NDUFS4: variants seen among roughly 807,000 people sequenced by gnomAD.
NDUFS4 encodes the protein NADH:ubiquinone oxidoreductase subunit S4, also known as NADH dehydrogenase [ubiquinone] iron-sulfur protein 4, mitochondrial.
A neutral mutation model predicts 24.3 loss-of-function variants in NDUFS4; 28 were observed. The ratio of observed to expected loss-of-function variants is 1.15; its 90% CI spans 0.85 to 1.58. NDUFS4 has a LOEUF of 1.58. NDUFS4 is among the 40% of genes most tolerant of loss of function. The probability of loss-of-function intolerance (pLI) is 0.00; values close to 1 mark genes in which losing one functional copy is unlikely to be tolerated. For synonymous variants in NDUFS4, 93 were observed against 69.7 expected, an observed-to-expected ratio of 1.34 and a Z score of -1.67; for missense variants, 223 against 207.9, an observed-to-expected ratio of 1.07 and a Z score of -0.45.
intron 4 of NDUFS4, 172 bp downstream of exon 4, chr5:53,658,796 A>AAG: frequency 1.7e-6 from 1 of 590,970 alleles, no homozygotes; most frequent in Non-Finnish European, 3.0e-6. Context: ...AAAAAAAAAA[A>AAG]AAAAAAAACC....
At chr5:53,596,289 C>T (rs1348923194) in intron 1 of NDUFS4, among the ~76,000 whole-genome samples, 2 of 151,856 alleles carry the variant, frequency 1.3e-5, no homozygotes, top group African/African-American at 2.4e-5. Context: ...AAAAATTAGC[C>T]GAGTGGGATG....
At chr5:53,615,815 G>A (rs948250803) in intron 2 of NDUFS4, among the ~76,000 whole-genome samples, 3 of 152,004 alleles carry the variant, frequency 2.0e-5, no homozygotes, top group Admixed American at 1.3e-4. Context: ...ACAACATATA[G>A]GATACAGAAA....
chr5:53,594,401 A>G (rs919937472), intron 1 of NDUFS4, among the ~76,000 whole-genome samples: 3 of 151,772 alleles, frequency 2.0e-5, no homozygotes, highest in Admixed American at 6.6e-5. Flanking sequence ...CCATCCCTTT[A>G]CTTTTAGTCT....
chr5:53,631,663 T>G (rs1446557097), intron 2 of NDUFS4, among the ~76,000 whole-genome samples: 2 of 152,188 alleles, frequency 1.3e-5, no homozygotes, highest in Non-Finnish European at 2.9e-5. Flanking sequence ...CCCAGCAGCA[T>G]TGTTTACACT....
intron 1 of NDUFS4, among the ~76,000 whole-genome samples, chr5:53,577,947 T>C (rs1749439681): frequency 6.6e-6 from 1 of 152,182 alleles, no homozygotes; most frequent in Non-Finnish European, 1.5e-5. Flanking sequence ...GATGAGCATG[T>C]ATTTTCTCTT....
At chr5:53,625,710 T>C (rs1381975821) in intron 2 of NDUFS4, among the ~76,000 whole-genome samples, 1 of 151,614 alleles carries the variant, frequency 6.6e-6, no homozygotes, top group East Asian at 1.9e-4. Flanking sequence ...TTCTTTAATA[T>C]AGTTTCCATT....
At position 53,663,976 on chromosome 5, in the gene NDUFS4, G is replaced by A. The variant is rs774035748; in HGVS notation, c.424+5352G>A. On this transcript the variant is annotated intron_variant, in intron 4 of 4. Coordinates refer to ENST00000296684, the MANE Select transcript of NDUFS4 (RefSeq NM_002495.4). Reference sequence around the variant, plus strand: ...GTGTTTGCAGTGGCTGGTACTTGTTGTTCCTTTCCATGTGTAGTGCTTCCT... The same window carrying A: ...GTGTTTGCAGTGGCTGGTACTTGTTATTCCTTTCCATGTGTAGTGCTTCCT... Among the ~76,000 whole-genome samples the A allele has an allele frequency of 1.3e-3, 190 of 151,532 alleles. 2 individuals are homozygous for A. Among genetic ancestry groups the A allele is most frequent in the Admixed American group, 9.9e-4 (15 of 15,172 alleles).
chr5:53,649,513 A>G (rs564884712), intron 3 of NDUFS4, among the ~76,000 whole-genome samples: 2 of 152,306 alleles, frequency 1.3e-5, no homozygotes, highest in South Asian at 4.1e-4. Flanking sequence ...ACCTTCATCC[A>G]TGTTGCCACA....
At chr5:53,653,538 A>G (rs1752079729) in intron 3 of NDUFS4, among the ~76,000 whole-genome samples, 2 of 152,120 alleles carry the variant, frequency 1.3e-5, no homozygotes, top group Admixed American at 1.3e-4. Context: ...TGAACAAGTA[A>G]ATGACTGTGC....
rs1477750602 is a variant in NDUFS4, at chr5:53,612,564, G to T, written c.177+9034G>T. On this transcript the variant is annotated intron_variant, in intron 2 of 4. Transcript: ENST00000296684. ...AATAATATCTTTATTTAAAAATCAGGTGTGCCTGTAAAACAAATGTTGTCA... is the reference window on the plus strand; with the variant it reads ...AATAATATCTTTATTTAAAAATCAGTTGTGCCTGTAAAACAAATGTTGTCA... Among the ~76,000 whole-genome samples the T allele has an allele frequency of 2.6e-5, 4 of 152,014 alleles. No individual in the cohort carries two copies. In the East Asian group the frequency reaches 5.8e-4, roughly 22 times the overall value.
intron 2 of NDUFS4, among the ~76,000 whole-genome samples, chr5:53,645,722 A>G (rs2112506626): frequency 6.6e-6 from 1 of 152,340 alleles, no homozygotes; most frequent in Admixed American, 6.5e-5. Flanking sequence ...CTTTACAAAA[A>G]GGTTCAGGTT....
chr5:53,592,448 GT>G (rs1308449691), intron 1 of NDUFS4, among the ~76,000 whole-genome samples: 2 of 151,944 alleles, frequency 1.3e-5, no homozygotes, highest in African/African-American at 4.8e-5. Context: ...TTTTGGCATT[GT>G]ATCTGAAAAC....
At chr5:53,575,605 G>C (rs1019709082) in intron 1 of NDUFS4, among the ~76,000 whole-genome samples, 2 of 121,124 alleles carry the variant, frequency 1.7e-5, no homozygotes, top group South Asian at 5.6e-4. Flanking sequence ...GCAGTGGCAT[G>C]ATCTCGGCTC....
intron 2 of NDUFS4, among the ~76,000 whole-genome samples, chr5:53,610,632 A>C (rs1210029856): frequency 2.6e-5 from 4 of 152,308 alleles, no homozygotes; most frequent in African/African-American, 9.6e-5. Flanking sequence ...TTTTATAAAC[A>C]AAACCTTGGA....
At chr5:53,616,773 C>T (rs1022701731) in intron 2 of NDUFS4, among the ~76,000 whole-genome samples, 3 of 151,924 alleles carry the variant, frequency 2.0e-5, no homozygotes, top group African/African-American at 4.8e-5. Context: ...TGGTTTGATC[C>T]GATTTACTTG....
intron 1 of NDUFS4, among the ~76,000 whole-genome samples, chr5:53,570,475 A>G (rs1339881834): frequency 6.6e-6 from 1 of 152,126 alleles, no homozygotes; most frequent in Non-Finnish European, 1.5e-5. Flanking sequence ...GAGCTTCTGT[A>G]CAGGATTTTA....
intron 3 of NDUFS4, among the ~76,000 whole-genome samples, chr5:53,650,209 C>G (rs1349558358): frequency 6.6e-6 from 1 of 152,066 alleles, no homozygotes; most frequent in Non-Finnish European, 1.5e-5. Context: ...GTACTTGTGC[C>G]TTGTATACGC....
chr5:53,603,506 A>G lies in NDUFS4; in HGVS notation c.153A>G (p.Gln51=), dbSNP rs755386101. 3 of 1,613,476 alleles carry G rather than the reference A, an allele frequency of 1.9e-6. No homozygotes were observed. Among genetic ancestry groups the G allele is most frequent in the Non-Finnish European group, 2.5e-6 (3 of 1,179,856 alleles). ...RLAQDQTQDT[Q]LITVDEKLDI... ...CACAGGACCAGACTCAAGACACACA[A>G]CTCATAACAGTTGATGAAAAATTGG... Residue 51 remains glutamine, a synonymous_variant, in exon 2 of 5, where the codon CAA becomes CAG. Coordinates refer to ENST00000296684, the MANE Select transcript of NDUFS4 (RefSeq NM_002495.4).
intron 1 of NDUFS4, among the ~76,000 whole-genome samples, chr5:53,562,316 GATTA>G (rs914585966): frequency 1.3e-5 from 2 of 152,120 alleles, no homozygotes; most frequent in African/African-American, 2.4e-5. Context: ...AGATTATAGG[GATTA>G]ATTGTCATTC....
Sources: gnomAD v4.1 joint callset for allele counts (sites outside exome capture counted in the v4.1 genomes callset) on GRCh38, gnomAD v4.1.1 for gene constraint, MANE v1.5 for transcripts, NCBI Gene and HGNC (gene_info 2026-07-23, HGNC 2026-07-21) for gene names.